Variants in AKAP19 observed in about 807,000 individuals in gnomAD.
AKAP19 encodes A-kinase anchoring protein 19, also known as small A-kinase anchoring protein.
At chr2:190,011,702 A>G in the AKAP19 span, among the ~76,000 whole-genome samples, 1 of 152,088 alleles carries the variant, frequency 6.6e-6, no homozygotes, top group Non-Finnish European at 1.5e-5. Flanking sequence ...TTTTCCCATT[A>G]TGTATTCTTG....
the AKAP19 span, chr2:190,163,823 G>A: frequency 6.6e-6 from 1 of 151,982 alleles, no homozygotes; most frequent in Non-Finnish European, 1.5e-5. Flanking sequence ...GAATATGCAT[G>A]AATTTTAACC....
chr2:189,987,439 C>A, the AKAP19 span, among the ~76,000 whole-genome samples: 6 of 152,192 alleles, frequency 3.9e-5, no homozygotes, highest in African/African-American at 1.4e-4. Flanking sequence ...GGGAATTACA[C>A]TGCCAATGGG....
chr2:190,178,245 C>T, the AKAP19 span, among the ~76,000 whole-genome samples: 408 of 152,298 alleles, frequency 2.7e-3, 2 homozygotes, highest in African/African-American at 8.7e-3. The surrounding 1 kb of genome is among the most constrained non-coding windows in gnomAD (Gnocchi z 6.3). Context: ...GGGCAGAGGG[C>T]GCCAAGTTCC....
chr2:190,140,911 T>C, the AKAP19 span, among the ~76,000 whole-genome samples: 2 of 152,238 alleles, frequency 1.3e-5, no homozygotes, highest in Non-Finnish European at 2.9e-5. Context: ...CTGCTTCTTC[T>C]TGAACACTTT....
At chr2:190,019,752 CTG>C in the AKAP19 span, among the ~76,000 whole-genome samples, 1 of 152,090 alleles carries the variant, frequency 6.6e-6, no homozygotes, top group Non-Finnish European at 1.5e-5. Flanking sequence ...ACTGTAGAAA[CTG>C]TGGGCCCAGG....
At chr2:190,046,101 T>G in the AKAP19 span, among the ~76,000 whole-genome samples, 1 of 152,300 alleles carries the variant, frequency 6.6e-6, no homozygotes, top group African/African-American at 2.4e-5. Flanking sequence ...TTTTCTTCAT[T>G]CTCCATGGGT....
the AKAP19 span, chr2:189,879,756 C>T: frequency 6.6e-6 from 1 of 152,280 alleles, no homozygotes; most frequent in Non-Finnish European, 1.5e-5. Context: ...AGGAAAGCTT[C>T]ACCCCAAGTT....
chr2:190,167,433 T>G, the AKAP19 span, among the ~76,000 whole-genome samples: 8 of 152,142 alleles, frequency 5.3e-5, no homozygotes, highest in African/African-American at 2.4e-5. Flanking sequence ...CAAAATCTCA[T>G]GTTCTCATAT....
the AKAP19 span, among the ~76,000 whole-genome samples, chr2:190,190,580 G>A: frequency 2.0e-5 from 3 of 149,648 alleles, no homozygotes; most frequent in Non-Finnish European, 4.5e-5. Flanking sequence ...GAAATGAAAT[G>A]GCTGGTTCAC....
At chr2:189,965,380 A>T in the AKAP19 span, among the ~76,000 whole-genome samples, 3,870 of 152,284 alleles carry the variant, frequency 0.025, 168 homozygotes, top group East Asian at 0.17. Context: ...ATGTACAGTC[A>T]AAGTGAGCAC....
At chr2:190,154,745 A>G in the AKAP19 span, among the ~76,000 whole-genome samples, 2 of 152,352 alleles carry the variant, frequency 1.3e-5, no homozygotes, top group East Asian at 1.9e-4. Flanking sequence ...CACTGGCCAA[A>G]GCAAGTTACC....
the AKAP19 span, among the ~76,000 whole-genome samples, chr2:189,995,506 C>T: frequency 1.3e-5 from 2 of 152,026 alleles, no homozygotes; most frequent in African/African-American, 2.4e-5. Flanking sequence ...TACATGAGTC[C>T]TTATGTGTTA....
chr2:190,149,911 G>A, the AKAP19 span, among the ~76,000 whole-genome samples: 1 of 152,108 alleles, frequency 6.6e-6, no homozygotes, highest in Non-Finnish European at 1.5e-5. Context: ...TGCTGTCAGT[G>A]GAGTATTGAA....
At chr2:190,099,309 A>G in the AKAP19 span, among the ~76,000 whole-genome samples, 1 of 152,110 alleles carries the variant, frequency 6.6e-6, no homozygotes, top group Non-Finnish European at 1.5e-5. Flanking sequence ...CCACTTAAAG[A>G]CCATCGTAGG....
At chr2:190,011,050 C>CTTTTTTTTTTTTTTTTTTTTTTTTTTTTT in the AKAP19 span, among the ~76,000 whole-genome samples, 1 of 59,552 alleles carries the variant, frequency 1.7e-5, no homozygotes, top group Non-Finnish European at 3.3e-5. Context: ...CTCTCTCTCT[C>CTTTTTTTTTTTTTTTTTTTTTTTTTTTTT]TTTTTTTTTT....
the AKAP19 span, among the ~76,000 whole-genome samples, chr2:189,995,334 C>T: frequency 6.6e-6 from 1 of 152,162 alleles, no homozygotes; most frequent in Non-Finnish European, 1.5e-5. Flanking sequence ...ATGATATTTT[C>T]CCGTTAGACT....
chr2:190,175,027 C>G, the AKAP19 span, among the ~76,000 whole-genome samples: 4 of 136,532 alleles, frequency 2.9e-5, no homozygotes, highest in East Asian at 4.1e-4. Context: ...TTCCTATCCT[C>G]AAGATGCTCA....
the AKAP19 span, among the ~76,000 whole-genome samples, chr2:189,932,707 CAAAAAAAA>C: frequency 8.8e-6 from 1 of 113,690 alleles, no homozygotes; most frequent in Non-Finnish European, 2.0e-5. Context: ...CCCTCTCTTT[CAAAAAAAA>C]AAAAAAAAGA....
chr2:190,193,746 G>T, the AKAP19 span, among the ~76,000 whole-genome samples: 10 of 151,992 alleles, frequency 6.6e-5, no homozygotes, highest in African/African-American at 2.4e-4. Context: ...GTATCTATTA[G>T]ATCTTTTTAA....
Sources: gnomAD v4.1 joint callset for allele counts (sites outside exome capture counted in the v4.1 genomes callset) on GRCh38, gnomAD v4.1.1 for gene constraint, Gnocchi (gnomAD v3.1) non-coding constraint, MANE v1.5 for transcripts, NCBI Gene and HGNC (gene_info 2026-07-23, HGNC 2026-07-21) for gene names.